The following HEATR5B variants were observed in gnomAD, a reference collection of about 807,000 sequenced individuals.
The protein encoded by HEATR5B is HEAT repeat containing 5B.
HEATR5B carries 156 observed loss-of-function variants against 224.1 expected under a neutral mutation model. That is an observed-to-expected ratio of 0.70 (90% confidence interval 0.61 to 0.80). HEATR5B has a LOEUF of 0.80. Among genes scored for constraint, HEATR5B ranks in the 30% least tolerant of loss-of-function variants. The pLI, the probability that HEATR5B is intolerant of heterozygous loss-of-function variation, is 0.00. For missense variants in HEATR5B, 2,323 were observed against 2,535.5 expected (o/e 0.92, Z 1.80); for synonymous variants, 1,027 against 893.0 (o/e 1.15, Z -2.68).
At chr2:37,029,642 C>T (rs903625617) in intron 22 of HEATR5B, among the ~76,000 whole-genome samples, 1 of 146,206 alleles carries the variant, frequency 6.8e-6, no homozygotes, top group African/African-American at 2.6e-5. Flanking sequence ...CCAGCCTGGA[C>T]CACAAGAGTG....
At chr2:37,080,120 A>G (rs1672464816) in intron 2 of HEATR5B, among the ~76,000 whole-genome samples, 1 of 152,216 alleles carries the variant, frequency 6.6e-6, no homozygotes, top group South Asian at 2.1e-4. Context: ...TAGCATCCTT[A>G]AAGACACCAA....
intron 18 of HEATR5B, among the ~76,000 whole-genome samples, chr2:37,043,606 CT>C (rs59918371): frequency 0.33 from 50,082 of 151,646 alleles, 8,603 homozygotes; most frequent in African/African-American, 0.37. Context: ...TTGTTGTTTC[CT>C]AATCCTTAAA....
In HEATR5B at chr2:37,062,051, C is replaced by T. The variant is rs775566857; in HGVS notation, c.1585-1G>A. ...GATCTTCAGCAATACTAACTACCAT[C>T]TGCAAGAAAAGTTTAGAATTGGATT... is the stretch of plus-strand genomic sequence containing the variant. On this transcript the variant is annotated splice_acceptor_variant, in intron 10 of 35. Transcript: ENST00000233099. LOFTEE classifies it high-confidence loss of function. 6.4e-7 allele frequency: 1 copy of T among 1,567,890 alleles called. No individual in the cohort carries two copies.
chr2:36,997,716 GC>G, intron 33 of HEATR5B, among the ~76,000 whole-genome samples: 1 of 152,010 alleles, frequency 6.6e-6, no homozygotes, highest in Non-Finnish European at 1.5e-5. Context: ...ACAGGCGCCC[GC>G]CACCACGCCC....
intron 29 of HEATR5B, 23 bp from the exon 30 acceptor site, chr2:37,005,782 A>T (rs1667376409): frequency 6.6e-7 from 1 of 1,520,116 alleles, no homozygotes; most frequent in Non-Finnish European, 8.8e-7. Flanking sequence ...AAATAAAAAC[A>T]TGTTTTTTCA....
intron 18 of HEATR5B, among the ~76,000 whole-genome samples, chr2:37,045,045 A>AT (rs1415885398): frequency 6.6e-6 from 1 of 152,112 alleles, no homozygotes; most frequent in African/African-American, 2.4e-5. Context: ...CATTTCATAC[A>AT]TTTTACATTT....
In HEATR5B at chr2:37,027,936, A is replaced by G; in HGVS notation, c.3840T>C (p.Leu1280=). The part of the protein sequence containing the change: ...FDLALARSAK[L]RNPTNDLLVL... Reference sequence around the variant, plus strand: ...TTTTAAATTTACTTGTAGGGTTTCGAAGTTTAGCAGAACGTGCCAAGGCAA... The same window carrying G: ...TTTTAAATTTACTTGTAGGGTTTCGGAGTTTAGCAGAACGTGCCAAGGCAA... The change falls in exon 24 of 36, where the codon CTT becomes CTC. Residue 1280 remains leucine (L), a synonymous_variant. Transcript: ENST00000233099. 1 of 1,613,700 alleles carries G rather than the reference A, an allele frequency of 6.2e-7. No homozygotes were observed. The highest frequency in any genetic ancestry group is 8.5e-7 in the Non-Finnish European group (1 of 1,179,612).
Position 37,065,897 on chromosome 2 carries a change from A to G in HEATR5B, c.1191T>C (p.Asn397=), listed in dbSNP as rs370058857. 6 of 1,608,658 alleles carry G rather than the reference A, an allele frequency of 3.7e-6. No homozygotes were observed. The African/African-American group carries it at 6.7e-5, about 18-fold the overall frequency. ...CAGATTTGTTTTCTCCACTTGTGTC[A>G]TTCACTACTGCTTCTGGAAACACAA... ...KQMKAVEAVV[N]DTSGENKSGA... Residue 397 remains asparagine (N), a synonymous_variant, in exon 9 of 36, where the codon AAT becomes AAC. Coordinates refer to ENST00000233099, the MANE Select transcript of HEATR5B (RefSeq NM_019024.3).
intron 11 of HEATR5B, among the ~76,000 whole-genome samples, chr2:37,061,514 A>G (rs1016348763): frequency 2.0e-5 from 3 of 152,198 alleles, no homozygotes. Context: ...TTTGCCTACA[A>G]TGCAGATTTG....
intron 25 of HEATR5B, 45 bp from the exon 26 acceptor site, chr2:37,019,922 G>T: frequency 7.2e-7 from 1 of 1,379,728 alleles, no homozygotes; most frequent in South Asian, 1.2e-5. Context: ...TTTATTTTTT[G>T]AGACACGGTC....
intron 17 of HEATR5B, among the ~76,000 whole-genome samples, chr2:37,051,448 T>C (rs1366752436): frequency 6.6e-6 from 1 of 152,152 alleles, no homozygotes; most frequent in Non-Finnish European, 1.5e-5. Context: ...ACTCTCTTTG[T>C]TCTAGCTGTA....
intron 35 of HEATR5B, among the ~76,000 whole-genome samples, chr2:36,986,209 T>C (rs990245083): frequency 1.3e-5 from 2 of 152,234 alleles, no homozygotes; most frequent in Admixed American, 6.5e-5. Context: ...TTGCCAAACA[T>C]AGGCCATGTC....
chr2:36,988,574 A>G, intron 35 of HEATR5B, 72 bp downstream of exon 35: 1 of 1,330,124 alleles, frequency 7.5e-7, no homozygotes, highest in Non-Finnish European at 1.0e-6. Flanking sequence ...CCTGTTTCTA[A>G]TATCAAATAA....
At chr2:37,052,842 T>C (rs760780014) in intron 17 of HEATR5B, among the ~76,000 whole-genome samples, 3 of 152,218 alleles carry the variant, frequency 2.0e-5, no homozygotes, top group East Asian at 1.9e-4. Context: ...CAGGGCAAGA[T>C]GGAACAGGAC....
At chr2:36,990,583 T>C in intron 34 of HEATR5B, 65 bp downstream of exon 34, 2 of 1,358,934 alleles carry the variant, frequency 1.5e-6, no homozygotes, top group South Asian at 1.6e-5. Flanking sequence ...TTTTAATGAA[T>C]CAATCTGACA....
chr2:37,011,040 C>T (rs766771980), intron 27 of HEATR5B, among the ~76,000 whole-genome samples: 1 of 152,134 alleles, frequency 6.6e-6, no homozygotes, highest in Non-Finnish European at 1.5e-5. Context: ...TATTTATCTT[C>T]TACAAAGATA....
chr2:37,058,979 T>G lies in HEATR5B; in HGVS notation c.1858A>C (p.Ser620Arg). Residue 620 changes from serine to arginine, a missense_variant, in exon 13 of 36, where the codon AGC becomes CGC. Ser to Arg is a moderately radical substitution (Grantham distance 110, BLOSUM62 -1). Around this residue, in one of 12 missense-constraint regions of HEATR5B, gnomAD observed 502 missense variants for 517.8 expected, o/e 0.97. Coordinates refer to ENST00000233099, the MANE Select transcript of HEATR5B (RefSeq NM_019024.3). ...GRAGALCAMR[S>R]FVAHCPELLT... Reference sequence around the variant, plus strand: ...AGCTCAGGACAATGTGCAACGAAGCTCCTCATGGCTAGATAAAATGTTTAA... The same window carrying G: ...AGCTCAGGACAATGTGCAACGAAGCGCCTCATGGCTAGATAAAATGTTTAA... The G allele has an allele frequency of 6.2e-7, 1 of 1,602,442 alleles. No homozygotes were observed. The highest frequency in any genetic ancestry group is 1.1e-5 in the South Asian group (1 of 89,092).
At chr2:37,036,103 G>A (rs763831241) in intron 21 of HEATR5B, among the ~76,000 whole-genome samples, 2 of 151,972 alleles carry the variant, frequency 1.3e-5, no homozygotes, top group Admixed American at 1.3e-4. Flanking sequence ...ATCTTCTTCC[G>A]AGAATACCGT....
chr2:37,023,523 C>T (rs776153634), intron 24 of HEATR5B, among the ~76,000 whole-genome samples: 1 of 152,136 alleles, frequency 6.6e-6, no homozygotes, highest in Non-Finnish European at 1.5e-5. Context: ...AATCCTAGAA[C>T]TTTGGGAGGC....
Sources: allele counts gnomAD v4.1 joint callset (sites outside exome capture counted in the v4.1 genomes callset), GRCh38; gene constraint gnomAD v4.1.1; regional missense constraint gnomAD v4.1.1; transcripts MANE v1.5; gene names NCBI Gene and HGNC (gene_info 2026-07-23, HGNC 2026-07-21).